SLFN12L: variants seen among roughly 807,000 people sequenced by gnomAD.
The protein encoded by SLFN12L is schlafen family member 12-like.
SLFN12L carries 34 observed loss-of-function variants against 34.8 expected under a neutral mutation model. The ratio of observed to expected loss-of-function variants is 0.98; its 90% CI spans 0.74 to 1.30. The LOEUF is 1.30. Among genes scored for constraint, SLFN12L ranks in the 50% most tolerant of loss-of-function variants. SLFN12L has a pLI of 0.00. For synonymous variants in SLFN12L, 259 were observed against 247.5 expected (o/e 1.05, Z -0.44); for missense variants, 703 against 696.2 (o/e 1.01, Z -0.11).
chr17:35,491,275 T>G, intron 2 of SLFN12L: 2 of 824,906 alleles, frequency 2.4e-6, no homozygotes. Flanking sequence ...TAAAAACCAA[T>G]TTTTTTAAAT....
rs1209151689 is a variant in SLFN12L, at chr17:35,530,412, A to AG, written c.-606+7160dup. ...AAGGAAGGAAGGAAGGAAGGAAGGA[A>AG]GGAAGGAAGGAAGGAAGGGAAGGGA... On this transcript the variant is annotated intron_variant, in intron 1 of 4. Coordinates refer to ENST00000628453, the MANE Select transcript of SLFN12L (RefSeq NM_001363830.2). Among the ~76,000 whole-genome samples the AG allele has an allele frequency of 2.1e-3, 24 of 11,302 alleles. 2 individuals are homozygous for AG. Among genetic ancestry groups the AG allele is most frequent in the South Asian group, 4.3e-3 (1 of 232 alleles). 7.4% of individuals were successfully genotyped at this position (11,302 alleles called of 152,430 possible).
At chr17:35,533,269 A>G (rs2072428453) in intron 1 of SLFN12L, among the ~76,000 whole-genome samples, 1 of 152,242 alleles carries the variant, frequency 6.6e-6, no homozygotes, top group Non-Finnish European at 1.5e-5. Flanking sequence ...GTACTTCTCA[A>G]TTGTTGAAAT....
intron 1 of SLFN12L, among the ~76,000 whole-genome samples, chr17:35,536,820 A>G (rs1489476036): frequency 6.6e-6 from 1 of 151,786 alleles, no homozygotes; most frequent in East Asian, 1.9e-4. Context: ...AAAAAAAAAA[A>G]ATAAGAAAAA....
intron 1 of SLFN12L, among the ~76,000 whole-genome samples, chr17:35,533,272 G>GTTAAAA (rs1232875356): frequency 2.0e-5 from 3 of 152,286 alleles, no homozygotes; most frequent in South Asian, 2.1e-4. Flanking sequence ...CTTCTCAATT[G>GTTAAAA]TTGAAATTGC....
intron 2 of SLFN12L, chr17:35,480,550 C>A (rs1477321465): frequency 5.4e-6 from 1 of 185,470 alleles, no homozygotes; most frequent in Non-Finnish European, 1.1e-5. Context: ...TCTCAGTGGA[C>A]AAGGTTTTAG....
intron 2 of SLFN12L, chr17:35,489,982 T>C: frequency 6.5e-7 from 1 of 1,529,816 alleles, no homozygotes; most frequent in Non-Finnish European, 9.0e-7. Context: ...CCTTAGCAAA[T>C]TGGGAATAGA....
chr17:35,499,428 T>C (rs777128151), intron 2 of SLFN12L, among the ~76,000 whole-genome samples: 1 of 152,236 alleles, frequency 6.6e-6, no homozygotes, highest in Non-Finnish European at 1.5e-5. Context: ...GAAATGTGGA[T>C]AACAACCCTA....
intron 1 of SLFN12L, among the ~76,000 whole-genome samples, chr17:35,525,295 A>AAGAGAACT (rs1167663709): frequency 3.9e-5 from 6 of 152,250 alleles, no homozygotes; most frequent in Non-Finnish European, 1.5e-5. Flanking sequence ...TCAGGATATT[A>AAGAGAACT]TCCAAGAGAA....
At chr17:35,519,884 G>C (rs530230547) in intron 2 of SLFN12L, among the ~76,000 whole-genome samples, 3 of 152,194 alleles carry the variant, frequency 2.0e-5, no homozygotes, top group Non-Finnish European at 2.9e-5. Flanking sequence ...AACCTTAAAA[G>C]TTGAATTTGC....
At position 35,482,909 on chromosome 17, in the gene SLFN12L, C is replaced by T. The variant is rs1428385185; in HGVS notation, c.87-2714G>A. On this transcript the variant is annotated intron_variant, in intron 2 of 4. Coordinates refer to ENST00000628453, the MANE Select transcript of SLFN12L (RefSeq NM_001363830.2). ...CATGTGGACCAATGGCACACACTTC[C>T]TCCCCTCTGAGGTCCATAAAAGCCC... Among the ~76,000 whole-genome samples, 3 of 152,162 alleles carry T rather than the reference C, an allele frequency of 2.0e-5. No homozygotes were observed. The South Asian group carries it at 6.2e-4, about 32-fold the overall frequency.
At chr17:35,486,751 G>A (rs1032780877) in intron 2 of SLFN12L, among the ~76,000 whole-genome samples, 10 of 152,146 alleles carry the variant, frequency 6.6e-5, no homozygotes, top group Non-Finnish European at 1.0e-4. Context: ...AATTCTATCA[G>A]ACCTGAACTC....
At chr17:35,521,334 G>A (rs1915990055) in intron 2 of SLFN12L, among the ~76,000 whole-genome samples, 1 of 152,218 alleles carries the variant, frequency 6.6e-6, no homozygotes, top group South Asian at 2.1e-4. Flanking sequence ...TGTGAAAAGT[G>A]AACCACAGTA....
chr17:35,533,500 C>T (rs1341954771), intron 1 of SLFN12L, among the ~76,000 whole-genome samples: 1 of 152,178 alleles, frequency 6.6e-6, no homozygotes, highest in African/African-American at 2.4e-5. Context: ...GGAAACACTG[C>T]CCTCACCTGG....
At position 35,472,912 on chromosome 17, in the gene SLFN12L, G is replaced by A. The variant is rs772071774; in HGVS notation, c.*2011C>T. Among the ~76,000 whole-genome samples, 7 of 152,010 alleles carry A rather than the reference G, an allele frequency of 4.6e-5. No individual in the cohort carries two copies. The highest frequency in any genetic ancestry group is 2.1e-4 in the South Asian group (1 of 4,822). On this transcript the variant is annotated 3_prime_UTR_variant, in exon 5 of 5. Coordinates refer to ENST00000628453, the MANE Select transcript of SLFN12L (RefSeq NM_001363830.2). ...CTAGGTATTTTATTCTCTTTTTAGC[G>A]ATTGTGAATGTGAGTTCACTCATGA...
chr17:35,499,717 T>A (rs1427243813), intron 2 of SLFN12L: 2 of 276,898 alleles, frequency 7.2e-6, no homozygotes, highest in Non-Finnish European at 1.1e-5. Context: ...TGTGGATCCA[T>A]GTACCCCAGG....
intron 2 of SLFN12L, among the ~76,000 whole-genome samples, chr17:35,500,629 TGAGGCAG>T (rs1915259692): frequency 1.3e-5 from 2 of 151,878 alleles, no homozygotes; most frequent in African/African-American, 4.8e-5. Flanking sequence ...CTCAGGAGAC[TGAGGCAG>T]GAGAATGGCA....
intron 2 of SLFN12L, chr17:35,490,581 C>T (rs1037141719): frequency 2.4e-6 from 2 of 823,874 alleles, no homozygotes; most frequent in Non-Finnish European, 4.3e-6. Context: ...GCATGCTGAC[C>T]CAGTGTCAAG....
chr17:35,519,473 C>A (rs1362313422), intron 2 of SLFN12L, among the ~76,000 whole-genome samples: 2 of 152,132 alleles, frequency 1.3e-5, no homozygotes, highest in Non-Finnish European at 2.9e-5. Context: ...TAAGTTCATT[C>A]ATACAAGTAA....
intron 2 of SLFN12L, among the ~76,000 whole-genome samples, chr17:35,497,621 A>G (rs575016251): frequency 1.3e-5 from 2 of 152,136 alleles, no homozygotes; most frequent in East Asian, 3.9e-4. Context: ...GAATACACTC[A>G]TCTGACTTGG....
Sources: allele counts gnomAD v4.1 joint callset (sites outside exome capture counted in the v4.1 genomes callset), GRCh38; gene constraint gnomAD v4.1.1; transcripts MANE v1.5; gene names NCBI Gene and HGNC (gene_info 2026-07-23, HGNC 2026-07-21).